Variants in CCDC197 observed in about 807,000 individuals in gnomAD.
The protein encoded by CCDC197 is coiled-coil domain containing 197, also known as uncharacterized protein CCDC197.
In CCDC197, 24 loss-of-function variants were observed where a neutral mutation model predicts 13.4. The ratio of observed to expected loss-of-function variants is 1.80; its 90% CI spans 1.30 to 2.53. The LOEUF is 2.53. CCDC197 is among the 30% of genes most tolerant of loss of function. The pLI, the probability that CCDC197 is intolerant of heterozygous loss-of-function variation, is 0.00. For missense variants in CCDC197, 255 were observed against 148.8 expected, an observed-to-expected ratio of 1.71 and a Z score of -3.71; for synonymous variants, 99 against 55.5, an observed-to-expected ratio of 1.78 and a Z score of -3.48.
chr14:94,003,184 G>A lies in CCDC197; in HGVS notation c.367-39G>A. Reference sequence around the variant, plus strand: ...TCAGACCAGGGCATATGCCCTGGAGGGTTTGTTGTACCAAGATGGCCCATT... The same window carrying A: ...TCAGACCAGGGCATATGCCCTGGAGAGTTTGTTGTACCAAGATGGCCCATT... On this transcript the variant is annotated intron_variant, in intron 4 of 6. Transcript: ENST00000636493. The surrounding 1 kb of genome is among the most constrained non-coding windows in gnomAD (Gnocchi z 5.0). 1.3e-6 allele frequency: 1 copy of A among 772,260 alleles called. No individual in the cohort carries two copies. Among genetic ancestry groups the A allele is most frequent in the Non-Finnish European group, 2.4e-6 (1 of 414,006 alleles). 47.8% of individuals were successfully genotyped at this position (772,260 alleles called of 1,614,324 possible).
At chr14:93,999,476 A>C in intron 2 of CCDC197, 107 bp from the exon 3 acceptor site, 1 of 722,046 alleles carries the variant, frequency 1.4e-6, no homozygotes, top group Non-Finnish European at 2.5e-6. Context: ...TGGCCGGCCC[A>C]GTGCACGTCC....
chr14:93,989,801 A>G (rs983030936), intron 1 of CCDC197, among the ~76,000 whole-genome samples: 2 of 152,164 alleles, frequency 1.3e-5, no homozygotes, highest in Non-Finnish European at 2.9e-5. Context: ...TTTGGGTCCC[A>G]TTAGGCTGAA....
chr14:93,990,117 CAGTT>C (rs1264393165), intron 1 of CCDC197, among the ~76,000 whole-genome samples: 2 of 152,196 alleles, frequency 1.3e-5, no homozygotes, highest in African/African-American at 4.8e-5. Context: ...CTTGTGTAAT[CAGTT>C]AGACCCGTGG....
At chr14:93,999,483 G>A (rs573277450) in intron 2 of CCDC197, 100 bp from the exon 3 acceptor site, 11 of 738,838 alleles carry the variant, frequency 1.5e-5, no homozygotes, top group Middle Eastern at 5.6e-4. Flanking sequence ...CCCAGTGCAC[G>A]TCCAAGCAGG....
intron 3 of CCDC197, among the ~76,000 whole-genome samples, chr14:94,000,231 C>T (rs955208255): frequency 6.6e-6 from 1 of 151,978 alleles, no homozygotes; most frequent in Middle Eastern, 3.2e-3. Flanking sequence ...AAATATGTAC[C>T]CTGTGCTAAG....
chr14:93,988,695 GA>G (rs1466114289), intron 1 of CCDC197, among the ~76,000 whole-genome samples: 2 of 75,336 alleles, frequency 2.7e-5, no homozygotes, highest in Admixed American at 1.2e-4. Context: ...GGGGTTGGGA[GA>G]GGGGCGGAAG....
At position 94,003,992 on chromosome 14, in the gene CCDC197, T is replaced by A. The variant is rs1356741662; in HGVS notation, c.498+638T>A. Among the ~76,000 whole-genome samples the A allele has an allele frequency of 6.6e-6, 1 of 152,218 alleles. No individual in the cohort carries two copies. The highest frequency in any genetic ancestry group is 1.5e-5 in the Non-Finnish European group (1 of 68,044). On this transcript the variant is annotated intron_variant, in intron 5 of 6. Transcript: ENST00000636493. The surrounding 1 kb of genome is among the most constrained non-coding windows in gnomAD (Gnocchi z 5.0). ...TGTACTGTCTTCAGTAAGGCTGGTG[T>A]CTCTCTGATCAGAGAGTCTGACCTG...
chr14:93,997,784 T>C (rs1890362858), intron 1 of CCDC197, among the ~76,000 whole-genome samples: 1 of 152,184 alleles, frequency 6.6e-6, no homozygotes, highest in African/African-American at 2.4e-5. Flanking sequence ...GGCCAGGAAC[T>C]GAAGACTTGG....
chr14:93,992,149 G>T (rs753816282), intron 1 of CCDC197, among the ~76,000 whole-genome samples: 5 of 152,234 alleles, frequency 3.3e-5, no homozygotes, highest in Non-Finnish European at 7.3e-5. Flanking sequence ...GAACATCACT[G>T]GTTTTGGCAG....
intron 1 of CCDC197, among the ~76,000 whole-genome samples, chr14:93,990,044 C>T (rs1890180157): frequency 6.6e-6 from 1 of 152,216 alleles, no homozygotes; most frequent in South Asian, 2.1e-4. Flanking sequence ...GAATCCCTCT[C>T]ACCCATTCAA....
At chr14:93,998,864 C>G (rs963083439) in intron 2 of CCDC197, among the ~76,000 whole-genome samples, 2 of 152,198 alleles carry the variant, frequency 1.3e-5, no homozygotes, top group African/African-American at 4.8e-5. Flanking sequence ...AGCAGAGGGG[C>G]TTGCCCTGGG....
At chr14:94,009,019 C>T (rs145613611), downstream of CCDC197, among the ~76,000 whole-genome samples, 279 of 152,246 alleles carry the variant, frequency 1.8e-3, 2 homozygotes, top group African/African-American at 6.3e-3. Flanking sequence ...GCCTGGGATC[C>T]GGGAGAGAGA....
chr14:93,987,882 A>T (rs942371976), intron 1 of CCDC197, among the ~76,000 whole-genome samples: 1 of 148,212 alleles, frequency 6.7e-6, no homozygotes, highest in Admixed American at 6.7e-5. Flanking sequence ...AGCTCCTGGA[A>T]TATAGACTTC....
downstream of CCDC197, among the ~76,000 whole-genome samples, chr14:94,009,093 G>T (rs567942722): frequency 1.3e-4 from 20 of 152,338 alleles, 1 homozygote; most frequent in South Asian, 3.3e-3. Flanking sequence ...ACTCCCTCCT[G>T]GGAGCCGGGG....
chr14:93,987,707 C>T (rs1890122924), intron 1 of CCDC197, among the ~76,000 whole-genome samples: 1 of 152,172 alleles, frequency 6.6e-6, no homozygotes, highest in Admixed American at 6.5e-5. Context: ...AGGACTGCAG[C>T]AGCTTCCTAA....
At position 93,987,878 on chromosome 14, in the gene CCDC197, TGGAATATAGACTTCCTACCCA is replaced by T. The variant is rs1890126790; in HGVS notation, c.-107+483_-107+503del. Among the ~76,000 whole-genome samples, 7 of 139,752 alleles carry T rather than the reference TGGAATATAGACTTCCTACCCA, an allele frequency of 5.0e-5. No individual in the cohort carries two copies. The Admixed American group carries it at 5.3e-4, about 11-fold the overall frequency. 91.7% of individuals were successfully genotyped at this position (139,752 alleles called of 152,430 possible). ...AAGTGCCAGAAGCAGTGTCAGCTCC[TGGAATATAGACTTCCTACCCA>T]CAGGAGGTACAGCCTCAGGGAGGAC... On this transcript the variant is annotated intron_variant, in intron 1 of 7. Transcript: ENST00000640978.
intron 6 of CCDC197, chr14:94,007,660 G>A (rs1890722910): frequency 6.6e-6 from 1 of 152,188 alleles, no homozygotes; most frequent in South Asian, 2.1e-4. Flanking sequence ...TTCAGGCATG[G>A]TGTGATCCTA....
intron 2 of CCDC197, among the ~76,000 whole-genome samples, chr14:93,999,173 C>T (rs963962079): frequency 6.6e-6 from 1 of 152,220 alleles, no homozygotes; most frequent in African/African-American, 2.4e-5. Flanking sequence ...CACATCATCC[C>T]TGCTGTAGAT....
At chr14:93,994,009 G>C (rs1157241483), upstream of CCDC197, among the ~76,000 whole-genome samples, 1 of 152,048 alleles carries the variant, frequency 6.6e-6, no homozygotes, top group African/African-American at 2.4e-5. Context: ...ATTAGGGAAG[G>C]GTGGGGTCTG....
Sources: allele counts gnomAD v4.1 joint callset (sites outside exome capture counted in the v4.1 genomes callset), GRCh38; gene constraint gnomAD v4.1.1; non-coding constraint Gnocchi (gnomAD v3.1); transcripts MANE v1.5; gene names NCBI Gene and HGNC (gene_info 2026-07-23, HGNC 2026-07-21).